The following EYS variants were observed in gnomAD, a reference collection of about 807,000 sequenced individuals.
EYS encodes the protein EGF-like photoreceptor maintenance factor.
A neutral mutation model predicts 282.1 loss-of-function variants in EYS; 250 were observed. The ratio of observed to expected loss-of-function variants is 0.89; its 90% CI spans 0.80 to 0.98. The LOEUF is 0.98. EYS is among the 50% of genes least tolerant of loss of function. EYS has a pLI of 0.00. For synonymous variants in EYS, 1,355 were observed against 1,282.9 expected (o/e 1.06, Z -1.20); for missense variants, 4,016 against 3,709.0 (o/e 1.08, Z -2.15).
chr6:65,469,595 T>C (rs2127237084), intron 5 of EYS, among the ~76,000 whole-genome samples: 1 of 152,262 alleles, frequency 6.6e-6, no homozygotes, highest in South Asian at 2.1e-4. Flanking sequence ...AAATTTTGTT[T>C]TTCTTTTAAA....
intron 22 of EYS, among the ~76,000 whole-genome samples, chr6:64,657,931 A>G (rs1768815237): frequency 6.6e-6 from 1 of 152,128 alleles, no homozygotes; most frequent in African/African-American, 2.4e-5. Flanking sequence ...GTTCTCCTGG[A>G]TAATATCCTG....
chr6:65,685,310 C>G (rs1315366218), intron 1 of EYS, among the ~76,000 whole-genome samples: 1 of 152,026 alleles, frequency 6.6e-6, no homozygotes, highest in Non-Finnish European at 1.5e-5. Context: ...CTCACTTCCT[C>G]TATTGTTTCT....
At chr6:63,726,787 T>C (rs1390567402) in intron 41 of EYS, 107 bp from the exon 42 acceptor site, 1 of 1,066,784 alleles carries the variant, frequency 9.4e-7, no homozygotes, top group East Asian at 2.6e-5. Context: ...TCAGGATTTA[T>C]CGCCCAAGAG....
At chr6:65,193,510 C>T (rs76095504) in intron 12 of EYS, among the ~76,000 whole-genome samples, 4,978 of 151,788 alleles carry the variant, frequency 0.033, 105 homozygotes, top group African/African-American at 0.058. Flanking sequence ...AGTGATGATG[C>T]CATTTTTTTT....
intron 29 of EYS, among the ~76,000 whole-genome samples, chr6:64,338,204 A>G (rs1473900781): frequency 6.6e-6 from 1 of 151,988 alleles, no homozygotes; most frequent in Non-Finnish European, 1.5e-5. Flanking sequence ...CTGTTTGCTG[A>G]CAATATGATT....
chr6:64,234,569 T>G (rs77705661), intron 30 of EYS, among the ~76,000 whole-genome samples: 1 of 152,312 alleles, frequency 6.6e-6, no homozygotes, highest in South Asian at 2.1e-4. Context: ...TTTGCATACA[T>G]AGTGTACCCA....
rs577598366 is a variant in EYS at position 63,911,086 on chromosome 6, C to A, written c.7056-46728G>T. Among the ~76,000 whole-genome samples, 16 of 145,268 alleles carry A rather than the reference C, an allele frequency of 1.1e-4. No individual in the cohort carries two copies. The South Asian group carries it at 3.1e-3, about 28-fold the overall frequency. On this transcript the variant is annotated intron_variant, in intron 35 of 42. Coordinates refer to ENST00000503581, the MANE Select transcript of EYS (RefSeq NM_001142800.2). ...CAGATTATGATATTGCTTAGCAAAG[C>A]AGAAAATTATGAAATCTAGGTTGAA...
chr6:64,076,996 C>A (rs1246838317), intron 32 of EYS, among the ~76,000 whole-genome samples: 1 of 151,906 alleles, frequency 6.6e-6, no homozygotes, highest in Non-Finnish European at 1.5e-5. Flanking sequence ...CCAAAGAAAG[C>A]TATGCACATT....
chr6:64,534,003 G>A (rs1371563086), intron 26 of EYS, among the ~76,000 whole-genome samples: 1 of 151,882 alleles, frequency 6.6e-6, no homozygotes, highest in African/African-American at 2.4e-5. Context: ...AAATCATAAA[G>A]TTGTTGGGGC....
At position 64,813,411 on chromosome 6, in the gene EYS, C is replaced by A; in HGVS notation, c.3410G>T (p.Cys1137Phe). The change falls in exon 22 of 43, where the codon TGT becomes TTT. Residue 1137 changes from cysteine to phenylalanine, a missense_variant. By Grantham distance (205) the Cys-to-Phe change is radical (BLOSUM62 -2). Coordinates refer to ENST00000503581, the MANE Select transcript of EYS (RefSeq NM_001142800.2). ...NSVICLNGGI[C>F]VDGPGHTFDC... Reference sequence around the variant, plus strand: ...AAAAGTATGTCCAGGCCCATCAACACAGATCCCTCCATTAAGACAGATGAC... The same window carrying A: ...AAAAGTATGTCCAGGCCCATCAACAAAGATCCCTCCATTAAGACAGATGAC... The A allele has an allele frequency of 6.5e-7, 1 of 1,548,982 alleles. No homozygotes were observed. Among genetic ancestry groups the A allele is most frequent in the South Asian group, 1.2e-5 (1 of 83,784 alleles).
chr6:64,210,960 C>T (rs1765749303), intron 31 of EYS, among the ~76,000 whole-genome samples: 1 of 152,188 alleles, frequency 6.6e-6, no homozygotes, highest in Admixed American at 6.5e-5. Flanking sequence ...GCTCTCTAGC[C>T]TTTGGACTCT....
At chr6:64,043,413 C>T (rs552753524) in intron 33 of EYS, among the ~76,000 whole-genome samples, 21 of 152,330 alleles carry the variant, frequency 1.4e-4, no homozygotes, top group African/African-American at 4.6e-4. Context: ...AGATTGCATG[C>T]GTGTCACACG....
At chr6:64,251,265 A>G (rs1344534932) in intron 30 of EYS, among the ~76,000 whole-genome samples, 2 of 152,194 alleles carry the variant, frequency 1.3e-5, no homozygotes, top group Non-Finnish European at 2.9e-5. Context: ...GATTTGTTTA[A>G]TAAGCTTTAA....
At chr6:65,534,823 G>T (rs1298817071) in intron 2 of EYS, among the ~76,000 whole-genome samples, 1 of 152,004 alleles carries the variant, frequency 6.6e-6, no homozygotes, top group Non-Finnish European at 1.5e-5. Flanking sequence ...TGACTCCATT[G>T]CTCTGAATAA....
chr6:63,933,889 T>C (rs1252753258), intron 35 of EYS, among the ~76,000 whole-genome samples: 1 of 152,136 alleles, frequency 6.6e-6, no homozygotes, highest in African/African-American at 2.4e-5. Flanking sequence ...TCTTAATCAT[T>C]TTAATTAACA....
chr6:64,589,748 A>C (rs1766340008), intron 26 of EYS, among the ~76,000 whole-genome samples: 1 of 152,200 alleles, frequency 6.6e-6, no homozygotes, highest in Admixed American at 6.6e-5. Context: ...AAAACTTTAA[A>C]TTTAAAAATG....
chr6:64,980,742 A>G (rs1379560947), intron 14 of EYS, among the ~76,000 whole-genome samples: 1 of 151,428 alleles, frequency 6.6e-6, no homozygotes, highest in Non-Finnish European at 1.5e-5. Context: ...GAGAGGACAC[A>G]TTCTAGTTTT....
chr6:64,669,565 G>A (rs1232829541), intron 22 of EYS, among the ~76,000 whole-genome samples: 2 of 152,144 alleles, frequency 1.3e-5, no homozygotes, highest in African/African-American at 2.4e-5. Context: ...TTTCTGTAAT[G>A]TTCCTTAAGA....
chr6:64,793,820 T>C (rs1774265043), intron 22 of EYS, among the ~76,000 whole-genome samples: 1 of 152,162 alleles, frequency 6.6e-6, no homozygotes, highest in Non-Finnish European at 1.5e-5. Flanking sequence ...GTTTGTTTTG[T>C]GGTAAGAATA....
Sources: gnomAD v4.1 joint callset for allele counts (sites outside exome capture counted in the v4.1 genomes callset) on GRCh38, gnomAD v4.1.1 for gene constraint, MANE v1.5 for transcripts, NCBI Gene and HGNC (gene_info 2026-07-23, HGNC 2026-07-21) for gene names.